Variants in ADCK5 observed in about 807,000 individuals in gnomAD.
ADCK5 encodes uncharacterized aarF domain-containing protein kinase 5.
Under a neutral mutation model 64.9 loss-of-function variants are expected in ADCK5, and 43 were observed. The observed-to-expected ratio is 0.66, with a 90% confidence interval of 0.52 to 0.85. The LOEUF is 0.85. Ranked by LOEUF, ADCK5 falls within the 40% of genes least tolerant of loss-of-function variation. The pLI is 0.00. For missense variants in ADCK5, 760 were observed against 810.5 expected (o/e 0.94, Z 0.76); for synonymous variants, 434 against 342.8 (o/e 1.27, Z -2.94).
In ADCK5 at chr8:144,393,142, T is replaced by G. The variant is rs1554861791; in HGVS notation, c.*68T>G. ...CTGACGGAGGTGGCGGGGCTAGAGG[T>G]GTAGACACCCCGAGCCCCGTGGGCA... On this transcript the variant is annotated 3_prime_UTR_variant, in exon 15 of 15. Coordinates refer to ENST00000308860, the MANE Select transcript of ADCK5 (RefSeq NM_174922.5). The G allele has an allele frequency of 7.0e-7, 1 of 1,427,466 alleles. No homozygotes were observed. Among genetic ancestry groups the G allele is most frequent in the Non-Finnish European group, 9.3e-7 (1 of 1,079,322 alleles). The allele number at this position is 1,427,466 out of a possible 1,614,324, so 88.4% of individuals were successfully genotyped here.
At chr8:144,382,519 C>A in intron 2 of ADCK5, among the ~76,000 whole-genome samples, 1 of 149,818 alleles carries the variant, frequency 6.7e-6, no homozygotes, top group South Asian at 2.1e-4. Context: ...CTGTATTCAG[C>A]AAGTATTGGG....
chr8:144,373,598 C>T (rs1346360627), upstream of ADCK5, among the ~76,000 whole-genome samples: 2 of 152,250 alleles, frequency 1.3e-5, no homozygotes, highest in African/African-American at 4.8e-5. Flanking sequence ...TGGCCACTCT[C>T]CTGGTTGTCT....
At chr8:144,379,328 T>C in intron 1 of ADCK5, 59 bp from the exon 2 acceptor site, 1 of 1,328,848 alleles carries the variant, frequency 7.5e-7, no homozygotes, top group Non-Finnish European at 1.0e-6. Context: ...CTGGTACTGG[T>C]TGAGGGCAGG....
In ADCK5 at chr8:144,391,871, G is replaced by A; in HGVS notation, c.1014+5G>A. ...CAGGGGCTGGCAGTGCATGACGTGA[G>A]TGCGGGGGGGCGGGGGCGGGTCAGG... On this transcript the variant is annotated splice_donor_5th_base_variant and intron_variant, in intron 9 of 14. Transcript: ENST00000308860. 6.4e-7 allele frequency: 1 copy of A among 1,567,472 alleles called. No homozygotes were observed. The highest frequency in any genetic ancestry group is 1.2e-5 in the South Asian group (1 of 85,884).
chr8:144,391,565 C>T lies in ADCK5; in HGVS notation c.799-15C>T. On this transcript the variant is annotated splice_polypyrimidine_tract_variant and intron_variant, in intron 7 of 14. Coordinates refer to ENST00000308860, the MANE Select transcript of ADCK5 (RefSeq NM_174922.5). ...GGTAGGCAGAGCTGGTCTTCAACCG[C>T]CATCTGGCCCCCAGGACCTGAAGGG... 6.3e-7 allele frequency: 1 copy of T among 1,582,154 alleles called. No homozygotes were observed. The highest frequency in any genetic ancestry group is 8.6e-7 in the Non-Finnish European group (1 of 1,169,542).
chr8:144,388,782 A>T (rs1263724691), intron 3 of ADCK5, among the ~76,000 whole-genome samples: 1 of 151,614 alleles, frequency 6.6e-6, no homozygotes, highest in African/African-American at 2.4e-5. Flanking sequence ...AAAAAAAGAA[A>T]CCGAAACCCT....
rs186380891 is a variant in ADCK5, at chr8:144,386,066, T to C, written c.266+2836T>C. Among the ~76,000 whole-genome samples, 60 of 151,552 alleles carry C rather than the reference T, an allele frequency of 4.0e-4. 1 individual carries two copies. The East Asian group carries it at 0.012, about 30-fold the overall frequency. ...CTCTGTTGCCCAGGCTGGAGTGCAGTGGCTTCGTCTCAGCTCACTGCAACC... is the reference window on the plus strand; with the variant it reads ...CTCTGTTGCCCAGGCTGGAGTGCAGCGGCTTCGTCTCAGCTCACTGCAACC... On this transcript the variant is annotated intron_variant, in intron 3 of 14. Coordinates refer to ENST00000308860, the MANE Select transcript of ADCK5 (RefSeq NM_174922.5).
chr8:144,392,859 T>C lies in ADCK5; in HGVS notation c.1604T>C (p.Val535Ala), dbSNP rs1454074417. Residue 535 changes from valine (V) to alanine (A), a missense_variant, in exon 14 of 15, where the codon GTC (valine) becomes GCC (alanine). By Grantham distance (64) the Val-to-Ala change is moderately conservative (BLOSUM62 0). Transcript: ENST00000308860. Reference protein sequence around the residue: ...GTSLLRHAKVVWEMLKFEVAL... With the variant: ...GTSLLRHAKVAWEMLKFEVAL... ...AGCCTCCTGCGCCACGCCAAGGTCG[T>C]CTGGGAGATGCTCAAGTTTGAAGTG... The C allele has an allele frequency of 2.5e-6, 4 of 1,599,660 alleles. No homozygotes were observed. Among genetic ancestry groups the C allele is most frequent in the Non-Finnish European group, 3.4e-6 (4 of 1,176,460 alleles).
At position 144,383,068 on chromosome 8, in the gene ADCK5, T is replaced by C. The variant is rs1586583187; in HGVS notation, c.117-13T>C. The C allele has an allele frequency of 6.3e-7, 1 of 1,584,626 alleles. No homozygotes were observed. On this transcript the variant is annotated splice_polypyrimidine_tract_variant and intron_variant, in intron 2 of 14. Coordinates refer to ENST00000308860, the MANE Select transcript of ADCK5 (RefSeq NM_174922.5). The stretch of plus-strand genomic sequence containing the variant: ...GGGGGGCGGCGCCTCCAGGCTGCAT[T>C]GTCTCTCCTCAGGTTCTCCAGCCCC...
At chr8:144,386,761 C>T (rs1415980811) in intron 3 of ADCK5, among the ~76,000 whole-genome samples, 6 of 152,218 alleles carry the variant, frequency 3.9e-5, no homozygotes, top group African/African-American at 1.4e-4. Flanking sequence ...CCGGTCCTCC[C>T]GCTCCCATCC....
intron 3 of ADCK5, among the ~76,000 whole-genome samples, chr8:144,388,495 T>C (rs183253845): frequency 7.3e-5 from 11 of 151,420 alleles, no homozygotes; most frequent in African/African-American, 2.7e-4. Context: ...CCGGGCACGG[T>C]GGCTCACGCC....
chr8:144,375,670 T>G (rs910689829), intron 1 of ADCK5: 204 of 985,036 alleles, frequency 2.1e-4, no homozygotes, highest in Non-Finnish European at 2.3e-4. Flanking sequence ...CTTGCCGCTT[T>G]CAAGGTAGTC....
At position 144,376,168 on chromosome 8, in the gene ADCK5, T is replaced by G. The variant is rs1461309591; in HGVS notation, c.12+2061T>G. 6.6e-6 allele frequency among the ~76,000 whole-genome samples: 1 copy of G among 152,150 alleles called. No homozygotes were observed. The highest frequency in any genetic ancestry group is 1.5e-5 in the Non-Finnish European group (1 of 68,020). ...GCCTCATGGGCCCTGGCAGGCACTGTGGGTTATCAGTGCCTGTTGCTTGGC... is the reference window on the plus strand; with the variant it reads ...GCCTCATGGGCCCTGGCAGGCACTGGGGGTTATCAGTGCCTGTTGCTTGGC... On this transcript the variant is annotated intron_variant, in intron 1 of 14. Transcript: ENST00000308860. The surrounding 1 kb of genome is among the most constrained non-coding windows in gnomAD (Gnocchi z 5.1).
Position 144,392,848 on chromosome 8 carries a change from C to G in ADCK5, c.1593C>G (p.His531Gln), listed in dbSNP as rs782388925. 3.1e-6 allele frequency: 5 copies of G among 1,595,880 alleles called. No homozygotes were observed. Among genetic ancestry groups the G allele is most frequent in the Non-Finnish European group, 4.3e-6 (5 of 1,175,064 alleles). Residue 531 changes from histidine (H) to glutamine (Q), a missense_variant, in exon 14 of 15, where the codon CAC becomes CAG. This residue lies in a region of ADCK5 where 333 missense variants were observed against 292.0 expected (regional missense o/e 1.14). Transcript: ENST00000308860. ...RGVYGTSLLR[H>Q]AKVVWEMLKF... ...TCTACGGCACCAGCCTCCTGCGCCA[C>G]GCCAAGGTCGTCTGGGAGATGCTCA...
chr8:144,377,369 A>G (rs1282543444), intron 1 of ADCK5: 1 of 152,128 alleles, frequency 6.6e-6, no homozygotes, highest in African/African-American at 2.4e-5. Flanking sequence ...ATTTTTCTAA[A>G]TGGAGTCCCA....
At chr8:144,389,157 C>G (rs575847456) in intron 3 of ADCK5, 1 of 424,064 alleles carries the variant, frequency 2.4e-6, no homozygotes, top group Non-Finnish European at 4.8e-6. Flanking sequence ...GGACACCCCT[C>G]TACCCCATCC....
At chr8:144,389,097 T>G (rs1166250072) in intron 3 of ADCK5, among the ~76,000 whole-genome samples, 6 of 152,034 alleles carry the variant, frequency 3.9e-5, no homozygotes, top group Admixed American at 3.9e-4. Flanking sequence ...GTCCCCAGAG[T>G]TCTCCCAGGG....
In ADCK5 at chr8:144,392,153, C is replaced by T; in HGVS notation, c.1158C>T (p.Tyr386=). 5 of 1,601,474 alleles carry T rather than the reference C, an allele frequency of 3.1e-6. No individual in the cohort carries two copies. Among genetic ancestry groups the T allele is most frequent in the Non-Finnish European group, 4.3e-6 (5 of 1,175,752 alleles). The change falls in exon 11 of 15, where the codon TAC becomes TAT. Residue 386 remains tyrosine, a synonymous_variant. Coordinates refer to ENST00000308860, the MANE Select transcript of ADCK5 (RefSeq NM_174922.5). ...TGGTGCTGCTGGACCACGGGCTCTA[C>T]CAGTTCCTGGAGGAGAAGTGAGCGC... The part of the protein sequence containing the change: ...AELVLLDHGL[Y]QFLEEKDRAA...
At position 144,383,100 on chromosome 8, in the gene ADCK5, C is replaced by T. The variant is rs1554858617; in HGVS notation, c.136C>T (p.Leu46=). 5.0e-6 allele frequency: 8 copies of T among 1,588,432 alleles called. No homozygotes were observed. The highest frequency in any genetic ancestry group is 4.6e-5 in the South Asian group (4 of 87,124). ...CCTCAGGTTCTCCAGCCCCACACCC[C>T]TGTGGAGGAAGGTGCTCTCCACCGC... is the stretch of plus-strand genomic sequence containing the variant. ...LPPRFSSPTP[L]WRKVLSTAVV... is the part of the protein sequence containing the mutation. The change falls in exon 3 of 15, where the codon CTG becomes TTG. Residue 46 remains leucine (L), a synonymous_variant. Transcript: ENST00000308860.
Sources: allele counts gnomAD v4.1 joint callset (sites outside exome capture counted in the v4.1 genomes callset), GRCh38; gene constraint gnomAD v4.1.1; regional missense constraint gnomAD v4.1.1; non-coding constraint Gnocchi (gnomAD v3.1); transcripts MANE v1.5; gene names NCBI Gene and HGNC (gene_info 2026-07-23, HGNC 2026-07-21).